The following BAIAP2L1 variants were observed in gnomAD, a reference collection of about 807,000 sequenced individuals.
BAIAP2L1 encodes BAR/IMD domain containing adaptor protein 2 like 1.
In BAIAP2L1, 35 loss-of-function variants were observed where a neutral mutation model predicts 66.3. The observed-to-expected ratio is 0.53, with a 90% CI of 0.40 to 0.70. The LOEUF is 0.70. Among genes scored for constraint, BAIAP2L1 ranks in the 30% least tolerant of loss-of-function variants. BAIAP2L1 has a pLI of 0.00. For missense variants in BAIAP2L1, 622 were observed against 656.9 expected (o/e 0.95, Z 0.58); for synonymous variants, 269 against 248.7 (o/e 1.08, Z -0.77).
At chr7:98,337,656 G>A (rs987480111) in intron 3 of BAIAP2L1, among the ~76,000 whole-genome samples, 7 of 152,214 alleles carry the variant, frequency 4.6e-5, no homozygotes, top group Non-Finnish European at 7.3e-5. Context: ...GGTGGCTCAC[G>A]CCTGTAATCC....
intron 3 of BAIAP2L1, among the ~76,000 whole-genome samples, chr7:98,334,704 C>T (rs1801571692): frequency 6.6e-6 from 1 of 151,860 alleles, no homozygotes; most frequent in Non-Finnish European, 1.5e-5. Flanking sequence ...CCCCACCACG[C>T]CCAGCTACTT....
Position 98,355,163 on chromosome 7 carries a change from T to A in BAIAP2L1, c.128-35A>T, listed in dbSNP as rs1802090841. On this transcript the variant is annotated intron_variant, in intron 2 of 13. Transcript: ENST00000005260. ...AAAGGTGACACACAAAATCGTCACT[T>A]AGACAAGGAAAGGAGGAAGCAACAC... 2.1e-6 allele frequency: 3 copies of A among 1,460,038 alleles called. No individual in the cohort carries two copies. The African/African-American group carries it at 4.2e-5, about 20-fold the overall frequency. 90.4% of individuals were successfully genotyped at this position (1,460,038 alleles called of 1,614,324 possible).
intron 3 of BAIAP2L1, among the ~76,000 whole-genome samples, chr7:98,353,961 CAATAAAATAAAATAA>C (rs72080714): frequency 0.38 from 52,985 of 139,136 alleles, 11,176 homozygotes; most frequent in Middle Eastern, 0.55. Context: ...GACTCTGTCT[CAATAAAATAAAATAA>C]AATAAAATAA....
chr7:98,382,973 C>T (rs967217308), intron 1 of BAIAP2L1, among the ~76,000 whole-genome samples: 1 of 151,900 alleles, frequency 6.6e-6, no homozygotes, highest in Non-Finnish European at 1.5e-5. Context: ...ACCAGCCTGA[C>T]CAACATGGCG....
intron 1 of BAIAP2L1, among the ~76,000 whole-genome samples, chr7:98,379,119 T>G (rs1802699724): frequency 6.6e-6 from 1 of 152,112 alleles, no homozygotes; most frequent in Non-Finnish European, 1.5e-5. Flanking sequence ...CCTCAGGCGA[T>G]CCGCCCGCTT....
intron 2 of BAIAP2L1, 199 bp from the exon 3 acceptor site, chr7:98,355,327 G>A: frequency 1.7e-6 from 1 of 587,874 alleles, no homozygotes; most frequent in Non-Finnish European, 3.1e-6. Flanking sequence ...ACAGCCCCAT[G>A]AGATCCTCGT....
At chr7:98,348,882 C>T (rs1028690944) in intron 3 of BAIAP2L1, among the ~76,000 whole-genome samples, 1 of 152,240 alleles carries the variant, frequency 6.6e-6, no homozygotes, top group Non-Finnish European at 1.5e-5. Flanking sequence ...GGCAACGTCA[C>T]CACTCCCGAG....
intron 1 of BAIAP2L1, among the ~76,000 whole-genome samples, chr7:98,362,967 T>C (rs1027193909): frequency 2.0e-5 from 3 of 151,716 alleles, no homozygotes; most frequent in African/African-American, 7.3e-5. Flanking sequence ...GGTAGCATGT[T>C]GCTGATGGCC....
intron 1 of BAIAP2L1, chr7:98,386,550 C>T: frequency 5.0e-6 from 8 of 1,597,436 alleles, no homozygotes; most frequent in Non-Finnish European, 6.8e-6. Context: ...CTTTTTGCCG[C>T]CTTTCGTAAG....
At chr7:98,364,996 A>G (rs1802361313) in intron 1 of BAIAP2L1, among the ~76,000 whole-genome samples, 3 of 141,520 alleles carry the variant, frequency 2.1e-5, no homozygotes, top group Non-Finnish European at 4.7e-5. Context: ...CAAAAAAAAA[A>G]AAAAAAAAAA....
intron 9 of BAIAP2L1, chr7:98,308,548 G>T (rs1189195090): frequency 8.7e-6 from 3 of 344,556 alleles, no homozygotes; most frequent in Non-Finnish European, 1.7e-5. Context: ...GCTGGGCCAG[G>T]AACCAGCTAG....
At chr7:98,398,903 A>G (rs990718910) in intron 1 of BAIAP2L1, among the ~76,000 whole-genome samples, 16 of 152,222 alleles carry the variant, frequency 1.1e-4, no homozygotes, top group African/African-American at 3.6e-4. Flanking sequence ...GGCGGAAGGC[A>G]GTGGTGTTCT....
At chr7:98,397,317 C>G (rs1475752168) in intron 1 of BAIAP2L1, among the ~76,000 whole-genome samples, 1 of 137,738 alleles carries the variant, frequency 7.3e-6, no homozygotes, top group Admixed American at 8.1e-5. Flanking sequence ...CTTCTTAAGC[C>G]CTTTTTTTTT....
chr7:98,296,219 T>C (rs1800185085), intron 12 of BAIAP2L1, among the ~76,000 whole-genome samples: 3 of 152,228 alleles, frequency 2.0e-5, no homozygotes. Flanking sequence ...AGGTGGGCCA[T>C]GCTGGGTGAT....
intron 1 of BAIAP2L1, among the ~76,000 whole-genome samples, chr7:98,392,212 C>T (rs1803063280): frequency 6.8e-6 from 1 of 146,816 alleles, no homozygotes; most frequent in Admixed American, 6.9e-5. Context: ...GGTGTGGTGG[C>T]GGGTGCCTGT....
intron 1 of BAIAP2L1, among the ~76,000 whole-genome samples, chr7:98,397,891 C>A (rs1803253941): frequency 6.6e-6 from 1 of 152,148 alleles, no homozygotes; most frequent in Admixed American, 6.6e-5. Context: ...ATACACACAT[C>A]CTCCTGGGAG....
chr7:98,376,657 C>CAA (rs71112147), intron 1 of BAIAP2L1, among the ~76,000 whole-genome samples: 41,736 of 92,550 alleles, frequency 0.45, 8,834 homozygotes, highest in Middle Eastern at 0.62. Context: ...CCCATCTTTA[C>CAA]AAAAAAAAAA....
chr7:98,329,288 C>A (rs1240932440), intron 3 of BAIAP2L1, among the ~76,000 whole-genome samples: 1 of 152,198 alleles, frequency 6.6e-6, no homozygotes, highest in African/African-American at 2.4e-5. Context: ...ACCAGACGGA[C>A]AGGCTGACGC....
At chr7:98,388,760 G>A (rs1802954702) in intron 1 of BAIAP2L1, among the ~76,000 whole-genome samples, 1 of 152,090 alleles carries the variant, frequency 6.6e-6, no homozygotes, top group South Asian at 2.1e-4. Context: ...GACGGCTTGA[G>A]CCCAGGAGTT....
Sources: gnomAD v4.1 joint callset for allele counts (sites outside exome capture counted in the v4.1 genomes callset) on GRCh38, gnomAD v4.1.1 for gene constraint, MANE v1.5 for transcripts, NCBI Gene and HGNC (gene_info 2026-07-23, HGNC 2026-07-21) for gene names.